Variants in PDE6G observed in about 807,000 individuals in gnomAD.
PDE6G encodes the protein rod cGMP 3',5'-cyclic phosphodiesterase subunit gamma.
Under a neutral mutation model 10.9 loss-of-function variants are expected in PDE6G, and 10 were observed. The observed-to-expected ratio is 0.91, with a 90% CI of 0.56 to 1.55. The LOEUF is 1.55. Ranked by LOEUF, PDE6G falls within the 40% of genes most tolerant of loss-of-function variation. The pLI, the probability that PDE6G is intolerant of heterozygous loss-of-function variation, is 0.00. For missense variants in PDE6G, 102 were observed against 110.1 expected (o/e 0.93, Z 0.33); for synonymous variants, 41 against 42.8 (o/e 0.96, Z 0.16).
Position 81,651,240 on chromosome 17 carries a change from G to A in PDE6G, c.188-90C>T, listed in dbSNP as rs8074225. On this transcript the variant is annotated intron_variant, in intron 3 of 3. Coordinates refer to ENST00000331056, the MANE Select transcript of PDE6G (RefSeq NM_002602.4). This position sits in a 1 kb window ranked among gnomAD's most constrained non-coding sequence, Gnocchi z 4.8. ...TGGCCCTGTTTCCCACAGCCCAGGT[G>A]TAGCCCTACAGTGTGCTGAGCGGGG... 109,181 of 939,416 alleles carry A rather than the reference G, an allele frequency of 0.12. 7,210 individuals are homozygous for A. The highest frequency in any genetic ancestry group is 0.17 in the Middle Eastern group (617 of 3,702). The allele number at this position is 939,416 out of a possible 1,614,324, so 58.2% of individuals were successfully genotyped here. A position where few individuals can be genotyped will look rare whatever the true frequency, so the allele number is the denominator to read the frequency against.
intron 2 of PDE6G, among the ~76,000 whole-genome samples, chr17:81,652,381 A>G (rs893999276): frequency 3.3e-5 from 5 of 152,044 alleles, no homozygotes; most frequent in African/African-American, 1.2e-4. Context: ...GGTTCACACC[A>G]TTCTCCTGCC....
chr17:81,658,574 C>T (rs547691923), upstream of PDE6G, among the ~76,000 whole-genome samples: 20 of 152,008 alleles, frequency 1.3e-4, no homozygotes, highest in East Asian at 3.7e-3. Context: ...GGCATGGTGG[C>T]TCACGCCTGT....
rs778677462 is a variant in PDE6G, at chr17:81,650,613, C to G, written c.*461G>C. 1 of 454,386 alleles carries G rather than the reference C, an allele frequency of 2.2e-6. No individual in the cohort carries two copies. Among genetic ancestry groups the G allele is most frequent in the East Asian group, 6.9e-5 (1 of 14,442 alleles). 28.1% of individuals were successfully genotyped at this position (454,386 alleles called of 1,614,324 possible). A position where few individuals can be genotyped will look rare whatever the true frequency, so the allele number is the denominator to read the frequency against. ...CCAGCATGTCCAAACTAAGGGCACC[C>G]CCCTGGGAAGGGATGCAGAGACGGG... is the stretch of plus-strand genomic sequence containing the variant. On this transcript the variant is annotated 3_prime_UTR_variant, in exon 4 of 4. Coordinates refer to ENST00000331056, the MANE Select transcript of PDE6G (RefSeq NM_002602.4).
At chr17:81,659,913 C>A (rs1157169167), upstream of PDE6G, among the ~76,000 whole-genome samples, 1 of 152,066 alleles carries the variant, frequency 6.6e-6, no homozygotes, top group Admixed American at 6.6e-5. Context: ...ATGGAGAAGA[C>A]CTGTCTCTAC....
Position 81,651,686 on chromosome 17 carries a change from C to A in PDE6G, c.147-1G>T. The A allele has an allele frequency of 6.2e-7, 1 of 1,614,044 alleles. No individual in the cohort carries two copies. The highest frequency in any genetic ancestry group is 1.1e-5 in the South Asian group (1 of 91,072). On this transcript the variant is annotated splice_acceptor_variant, in intron 2 of 3. Transcript: ENST00000331056. LOFTEE classifies it high-confidence loss of function. This position sits in a 1 kb window ranked among gnomAD's most constrained non-coding sequence, Gnocchi z 4.8. Reference sequence around the variant, plus strand: ...CATTCCAGGGATGTCGTCCCCAAACCTGCAAGGACAGAGCACTCAGGGACA... The same window carrying A: ...CATTCCAGGGATGTCGTCCCCAAACATGCAAGGACAGAGCACTCAGGGACA...
chr17:81,660,524 A>G (rs1394452873), upstream of PDE6G, among the ~76,000 whole-genome samples: 1 of 152,358 alleles, frequency 6.6e-6, no homozygotes, highest in East Asian at 1.9e-4. Flanking sequence ...TATAAAGACT[A>G]TAAACTGTTT....
intron 1 of PDE6G, among the ~76,000 whole-genome samples, chr17:81,655,340 T>C (rs35763415): frequency 0.67 from 101,343 of 152,122 alleles, 34,563 homozygotes; most frequent in East Asian, 1. Flanking sequence ...AGCTGGGGCT[T>C]GGGGACGGAG....
upstream of PDE6G, chr17:81,656,810 G>A (rs1219411578): frequency 1.7e-6 from 1 of 600,700 alleles, no homozygotes; most frequent in East Asian, 2.8e-5. Context: ...AGTGTCTGCT[G>A]TCTTGGGCCT....
intron 1 of PDE6G, among the ~76,000 whole-genome samples, chr17:81,655,544 C>T (rs1171295634): frequency 6.6e-6 from 1 of 152,240 alleles, no homozygotes; most frequent in African/African-American, 2.4e-5. Context: ...ACAGCCTCTC[C>T]CCAGATGCCC....
In PDE6G at chr17:81,651,676, G is replaced by A. The variant is rs117011954; in HGVS notation, c.156C>T (p.Asp52=). The change falls in exon 3 of 4, where the codon GAC becomes GAT. Residue 52 remains aspartate (D), a synonymous_variant. Transcript: ENST00000331056. The surrounding 1 kb of genome is among the most constrained non-coding windows in gnomAD (Gnocchi z 4.8). Reference sequence around the variant, plus strand: ...CCAGGCCTTCCATTCCAGGGATGTCGTCCCCAAACCTGCAAGGACAGAGCA... The same window carrying A: ...CCAGGCCTTCCATTCCAGGGATGTCATCCCCAAACCTGCAAGGACAGAGCA... ...PPKKGVQGFG[D]DIPGMEGLGT... is the part of the protein sequence containing the mutation. The A allele has an allele frequency of 1.2e-3, 1,871 of 1,614,016 alleles. 20 individuals carry two copies. In the East Asian group the frequency reaches 0.022, roughly 19 times the overall value.
intron 1 of PDE6G, among the ~76,000 whole-genome samples, chr17:81,654,755 T>TC (rs1384148500): frequency 1.3e-5 from 2 of 149,868 alleles, no homozygotes. Flanking sequence ...ATCTCACCTT[T>TC]TTTTTTTTTT....
At position 81,653,633 on chromosome 17, in the gene PDE6G, C is replaced by T. The variant is rs1268650220; in HGVS notation, c.-59-269G>A. ...CTCCCCCCTGTCCTGGCCTCCCTCG[C>T]CCCGGCCCACAATCCACAGCAAACC... On this transcript the variant is annotated intron_variant, in intron 1 of 3. Transcript: ENST00000331056. The surrounding 1 kb of genome is among the most constrained non-coding windows in gnomAD (Gnocchi z 5.2). 2 of 396,012 alleles carry T rather than the reference C, an allele frequency of 5.1e-6. No homozygotes were observed. The highest frequency in any genetic ancestry group is 1.1e-4 in the East Asian group (2 of 18,578). 24.5% of individuals were successfully genotyped at this position (396,012 alleles called of 1,614,324 possible). A position where few individuals can be genotyped will look rare whatever the true frequency, so the allele number is the denominator to read the frequency against.
Position 81,651,227 on chromosome 17 carries a change from C to T in PDE6G, c.188-77G>A. Reference sequence around the variant, plus strand: ...CCCCCATCCCCTGTGGCCCTGTTTCCCACAGCCCAGGTGTAGCCCTACAGT... The same window carrying T: ...CCCCCATCCCCTGTGGCCCTGTTTCTCACAGCCCAGGTGTAGCCCTACAGT... On this transcript the variant is annotated intron_variant, in intron 3 of 3. Transcript: ENST00000331056. This position sits in a 1 kb window ranked among gnomAD's most constrained non-coding sequence, Gnocchi z 4.8. The T allele has an allele frequency of 9.4e-7, 1 of 1,063,290 alleles. No individual in the cohort carries two copies. Among genetic ancestry groups the T allele is most frequent in the South Asian group, 1.3e-5 (1 of 77,294 alleles). 65.9% of individuals were successfully genotyped at this position (1,063,290 alleles called of 1,614,324 possible). A position where few individuals can be genotyped will look rare whatever the true frequency, so the allele number is the denominator to read the frequency against.
rs188882731 is a variant in PDE6G, at chr17:81,654,922, T to A, written c.-59-1558A>T. ...GACACCACGCCCGGCTAATTTATTT[T>A]TTTTTTTGTATTTTTTAGTAGAGAT... On this transcript the variant is annotated intron_variant, in intron 1 of 3. Coordinates refer to ENST00000331056, the MANE Select transcript of PDE6G (RefSeq NM_002602.4). 1.3e-3 allele frequency among the ~76,000 whole-genome samples: 199 copies of A among 151,902 alleles called. 1 individual carries two copies. Among genetic ancestry groups the A allele is most frequent in the East Asian group, 4.7e-3 (24 of 5,136 alleles).
At chr17:81,658,151 C>T (rs1449293736), upstream of PDE6G, among the ~76,000 whole-genome samples, 1 of 151,840 alleles carries the variant, frequency 6.6e-6, no homozygotes, top group African/African-American at 2.4e-5. Context: ...GTGGCCTGAT[C>T]TCGGCTCACT....
Position 81,653,631 on chromosome 17 carries a change from C to T in PDE6G, c.-59-267G>A, listed in dbSNP as rs2036403417. The T allele has an allele frequency of 5.0e-6, 2 of 396,448 alleles. No individual in the cohort carries two copies. The highest frequency in any genetic ancestry group is 9.6e-6 in the Non-Finnish European group (2 of 209,022). The allele number at this position is 396,448 out of a possible 1,614,324, so 24.6% of individuals were successfully genotyped here. ...GACTCCCCCCTGTCCTGGCCTCCCT[C>T]GCCCCGGCCCACAATCCACAGCAAA... On this transcript the variant is annotated intron_variant, in intron 1 of 3. Coordinates refer to ENST00000331056, the MANE Select transcript of PDE6G (RefSeq NM_002602.4). This position sits in a 1 kb window ranked among gnomAD's most constrained non-coding sequence, Gnocchi z 5.2.
upstream of PDE6G, among the ~76,000 whole-genome samples, chr17:81,660,057 C>T (rs1656763268): frequency 6.6e-6 from 1 of 151,822 alleles, no homozygotes; most frequent in African/African-American, 2.4e-5. Flanking sequence ...TGCACTTCAG[C>T]CTGGGCAACA....
Position 81,653,364 on chromosome 17 carries a change from T to C in PDE6G, c.-59A>G, listed in dbSNP as rs1406279354. On this transcript the variant is annotated splice_region_variant and 5_prime_UTR_variant, in exon 2 of 4. Transcript: ENST00000331056. The surrounding 1 kb of genome is among the most constrained non-coding windows in gnomAD (Gnocchi z 5.2). ...GCTCCTGGACTCCCTCCTGCTGCGG[T>C]CTGGGGGCAGACCAGGCCCGGGTCC... The C allele has an allele frequency of 6.3e-7, 1 of 1,594,026 alleles. No homozygotes were observed. The highest frequency in any genetic ancestry group is 2.2e-5 in the East Asian group (1 of 44,732).
At chr17:81,660,796 A>G (rs534373871), upstream of PDE6G, among the ~76,000 whole-genome samples, 1 of 152,300 alleles carries the variant, frequency 6.6e-6, no homozygotes, top group East Asian at 1.9e-4. Context: ...CCGGCCGGAC[A>G]TACGTAGTTT....
Sources: gnomAD v4.1 joint callset for allele counts (sites outside exome capture counted in the v4.1 genomes callset) on GRCh38, gnomAD v4.1.1 for gene constraint, Gnocchi (gnomAD v3.1) non-coding constraint, MANE v1.5 for transcripts, NCBI Gene and HGNC (gene_info 2026-07-23, HGNC 2026-07-21) for gene names.